Variants in SLC2A13 observed in about 807,000 individuals in gnomAD.
The protein encoded by SLC2A13 is solute carrier family 2 member 13, also known as proton myo-inositol cotransporter.
In SLC2A13, 32 loss-of-function variants were observed where a neutral mutation model predicts 64.4. That is an observed-to-expected ratio of 0.50 (90% CI 0.37 to 0.67). The LOEUF is 0.67. SLC2A13 is among the 30% of genes least tolerant of loss of function. The pLI is 0.00. For synonymous variants in SLC2A13, 338 were observed against 327.1 expected, an observed-to-expected ratio of 1.03 and a Z score of -0.36; for missense variants, 743 against 829.2, an observed-to-expected ratio of 0.90 and a Z score of 1.28.
At chr12:39,943,391 C>T (rs539820932) in intron 4 of SLC2A13, among the ~76,000 whole-genome samples, 14 of 152,296 alleles carry the variant, frequency 9.2e-5, no homozygotes, top group South Asian at 4.2e-4. Context: ...TCCAGGAAGA[C>T]GGGAGTTTGA....
chr12:40,045,901 T>C (rs1948164624), intron 2 of SLC2A13, among the ~76,000 whole-genome samples: 1 of 152,180 alleles, frequency 6.6e-6, no homozygotes, highest in South Asian at 2.1e-4. Context: ...AATCTTTTTT[T>C]CTCTAGTCTT....
chr12:40,082,739 TTC>T (rs1174752621), intron 1 of SLC2A13, among the ~76,000 whole-genome samples: 1 of 151,990 alleles, frequency 6.6e-6, no homozygotes, highest in Non-Finnish European at 1.5e-5. Flanking sequence ...CAAGCTGGAG[TTC>T]TGTCTCTGCC....
intron 1 of SLC2A13, among the ~76,000 whole-genome samples, chr12:40,101,598 T>C (rs990009755): frequency 6.6e-6 from 1 of 152,232 alleles, no homozygotes; most frequent in South Asian, 2.1e-4. Context: ...ATTCAAGAGA[T>C]GTTAAATCTG....
At chr12:39,981,204 T>A (rs972711188) in intron 3 of SLC2A13, among the ~76,000 whole-genome samples, 70 of 149,280 alleles carry the variant, frequency 4.7e-4, no homozygotes, top group Admixed American at 1.3e-3. Context: ...TAGCACTAAA[T>A]GCCCACAAGA....
intron 3 of SLC2A13, among the ~76,000 whole-genome samples, chr12:39,991,162 A>G (rs1172123485): frequency 1.1e-4 from 17 of 152,216 alleles, no homozygotes; most frequent in Admixed American, 1.1e-3. Flanking sequence ...TACTTCACAC[A>G]GCAGTGCTTT....
At chr12:39,999,633 G>A (rs908797970) in intron 3 of SLC2A13, among the ~76,000 whole-genome samples, 1 of 152,254 alleles carries the variant, frequency 6.6e-6, no homozygotes, top group Admixed American at 6.5e-5. Context: ...AAGACAATAC[G>A]TGCACCGCTG....
intron 5 of SLC2A13, among the ~76,000 whole-genome samples, chr12:39,871,352 G>A (rs1944048139): frequency 1.3e-5 from 2 of 150,972 alleles, no homozygotes; most frequent in African/African-American, 4.9e-5. Context: ...AAATTACATG[G>A]TTCTAATATT....
At chr12:39,970,923 T>C (rs1357275346) in intron 3 of SLC2A13, among the ~76,000 whole-genome samples, 4 of 152,150 alleles carry the variant, frequency 2.6e-5, no homozygotes. Flanking sequence ...ACAATAAGAA[T>C]CATGTAACGG....
chr12:39,980,884 C>A (rs977190360), intron 3 of SLC2A13, among the ~76,000 whole-genome samples: 2 of 151,620 alleles, frequency 1.3e-5, no homozygotes, highest in Non-Finnish European at 3.0e-5. Context: ...TTTTTCAGCA[C>A]CACACCACAC....
At chr12:39,761,762 G>T (rs183930877) in intron 9 of SLC2A13, among the ~76,000 whole-genome samples, 1 of 152,036 alleles carries the variant, frequency 6.6e-6, no homozygotes, top group East Asian at 1.9e-4. Flanking sequence ...TGAAGATAAA[G>T]AAAAAATAAG....
intron 3 of SLC2A13, among the ~76,000 whole-genome samples, chr12:39,967,999 C>A (rs1174621588): frequency 6.6e-6 from 1 of 152,186 alleles, no homozygotes; most frequent in Non-Finnish European, 1.5e-5. Context: ...CAAATTACCT[C>A]AAAAATCTTG....
intron 1 of SLC2A13, among the ~76,000 whole-genome samples, chr12:40,098,192 C>T (rs1279618544): frequency 6.6e-6 from 1 of 152,002 alleles, no homozygotes; most frequent in East Asian, 1.9e-4. Flanking sequence ...AAGAGGGAAA[C>T]TCTATCATAT....
intron 1 of SLC2A13, among the ~76,000 whole-genome samples, chr12:40,076,367 G>T (rs1356883468): frequency 4.6e-5 from 7 of 152,064 alleles, no homozygotes. Flanking sequence ...GCATCCATGA[G>T]TACTCAGTGT....
rs1430842568 is a variant in SLC2A13 at position 39,757,863 on chromosome 12, AC to A, written c.*2162del. ...TATAAGTATATAGTTAGTTAAGGCTACATATACAATAAAGAGAAGGATTGAG... is the reference window on the plus strand; with the variant it reads ...TATAAGTATATAGTTAGTTAAGGCTAATATACAATAAAGAGAAGGATTGAG... On this transcript the variant is annotated 3_prime_UTR_variant, in exon 10 of 10. Transcript: ENST00000280871. 2.0e-5 allele frequency: 3 copies of A among 152,296 alleles called. No homozygotes were observed. The highest frequency in any genetic ancestry group is 1.5e-5 in the Non-Finnish European group (1 of 67,728). 9.4% of individuals were successfully genotyped at this position (152,296 alleles called of 1,614,324 possible).
Position 39,943,900 on chromosome 12 carries a change from C to T in SLC2A13, c.1034+7357G>A, listed in dbSNP as rs144452116. Among the ~76,000 whole-genome samples, 157 of 152,316 alleles carry T rather than the reference C, an allele frequency of 1.0e-3. No homozygotes were observed. In the East Asian group the frequency reaches 0.025, roughly 24 times the overall value. ...AAAACTGGGTGGACGTTTGGGCAGA[C>T]ACTGAGCTAGCTGCAGGAGTTTTTT... On this transcript the variant is annotated intron_variant, in intron 4 of 9. Coordinates refer to ENST00000280871, the MANE Select transcript of SLC2A13 (RefSeq NM_052885.4).
chr12:39,973,065 CTCAA>C (rs765102112), intron 3 of SLC2A13, among the ~76,000 whole-genome samples: 5 of 152,234 alleles, frequency 3.3e-5, no homozygotes, highest in East Asian at 1.9e-4. Flanking sequence ...AAAACTCCAT[CTCAA>C]TCAATCAATC....
At chr12:40,028,244 T>C in intron 3 of SLC2A13, 57 bp downstream of exon 3, 1 of 1,275,858 alleles carries the variant, frequency 7.8e-7, no homozygotes, top group African/African-American at 1.5e-5. Flanking sequence ...CACAAAATAA[T>C]GACAAATAAG....
intron 7 of SLC2A13, among the ~76,000 whole-genome samples, chr12:39,795,098 A>G (rs914696176): frequency 1.3e-5 from 2 of 152,172 alleles, no homozygotes; most frequent in African/African-American, 4.8e-5. Flanking sequence ...ATACATTTAA[A>G]TATTGCCTCT....
chr12:39,757,314 A>G lies in SLC2A13; in HGVS notation c.*2712T>C, dbSNP rs1566749882. ...TAATCTGTGTCTGCTTTAATATGGT[A>G]GGTCAAATCACATCATATATAAATT... On this transcript the variant is annotated 3_prime_UTR_variant, in exon 10 of 10. Transcript: ENST00000280871. The G allele has an allele frequency of 6.6e-6, 1 of 151,866 alleles. No homozygotes were observed. Among genetic ancestry groups the G allele is most frequent in the Non-Finnish European group, 1.5e-5 (1 of 67,722 alleles). 9.4% of individuals were successfully genotyped at this position (151,866 alleles called of 1,614,324 possible). A position where few individuals can be genotyped will look rare whatever the true frequency, so the allele number is the denominator to read the frequency against.
Sources: allele counts gnomAD v4.1 joint callset (sites outside exome capture counted in the v4.1 genomes callset), GRCh38; gene constraint gnomAD v4.1.1; transcripts MANE v1.5; gene names NCBI Gene and HGNC (gene_info 2026-07-23, HGNC 2026-07-21).